GRID2: variants seen among roughly 807,000 people sequenced by gnomAD.
The protein encoded by GRID2 is glutamate ionotropic receptor delta type subunit 2.
A neutral mutation model predicts 114.8 loss-of-function variants in GRID2; 33 were observed. The observed-to-expected ratio is 0.29, with a 90% CI of 0.22 to 0.38. GRID2 has a LOEUF of 0.38. GRID2 is among the 10% of genes least tolerant of loss of function. The probability of loss-of-function intolerance (pLI) is 1.00; values close to 1 mark genes in which losing one functional copy is unlikely to be tolerated. For synonymous variants in GRID2, 505 were observed against 449.9 expected, an observed-to-expected ratio of 1.12 and a Z score of -1.55; for missense variants, 1,184 against 1,257.7, an observed-to-expected ratio of 0.94 and a Z score of 0.89.
At chr4:92,648,123 T>C (rs1227200457) in intron 2 of GRID2, among the ~76,000 whole-genome samples, 2 of 149,974 alleles carry the variant, frequency 1.3e-5, no homozygotes, top group East Asian at 3.9e-4. Context: ...TAAAATTCTT[T>C]TTGAGATCTG....
At chr4:92,924,315 G>A (rs1242875498) in intron 2 of GRID2, among the ~76,000 whole-genome samples, 1 of 151,848 alleles carries the variant, frequency 6.6e-6, no homozygotes, top group African/African-American at 2.4e-5. Context: ...CGAGTTAATG[G>A]GTTCAGCACA....
chr4:92,801,563 A>G (rs1438934946), intron 2 of GRID2, among the ~76,000 whole-genome samples: 1 of 151,890 alleles, frequency 6.6e-6, no homozygotes, highest in Non-Finnish European at 1.5e-5. Context: ...ATTTAATAAT[A>G]CATATTATTC....
At chr4:93,424,579 A>ATT (rs1031419936) in intron 10 of GRID2, among the ~76,000 whole-genome samples, 1 of 151,982 alleles carries the variant, frequency 6.6e-6, no homozygotes, top group African/African-American at 2.4e-5. Context: ...TATGTAGTAT[A>ATT]TTTTTGTATG....
chr4:93,127,370 G>C (rs975816560), intron 4 of GRID2, among the ~76,000 whole-genome samples: 2 of 151,970 alleles, frequency 1.3e-5, no homozygotes, highest in African/African-American at 4.8e-5. Context: ...TTTGACTTAC[G>C]ATTTTTAGAA....
intron 1 of GRID2, among the ~76,000 whole-genome samples, chr4:92,576,539 C>A (rs1393152662): frequency 6.6e-6 from 1 of 152,180 alleles, no homozygotes; most frequent in Non-Finnish European, 1.5e-5. Context: ...CTAGGAAGGA[C>A]CTTCTGCCTT....
intron 1 of GRID2, among the ~76,000 whole-genome samples, chr4:92,333,765 T>C (rs1351379936): frequency 6.6e-6 from 1 of 152,160 alleles, no homozygotes; most frequent in South Asian, 2.1e-4. Context: ...TATGGGGTCT[T>C]GGTTTGTTAC....
Position 93,469,445 on chromosome 4 carries a change from T to G in GRID2, c.1858+13471T>G, listed in dbSNP as rs192338364. Among the ~76,000 whole-genome samples, 226 of 151,990 alleles carry G rather than the reference T, an allele frequency of 1.5e-3. 1 individual carries two copies. The highest frequency in any genetic ancestry group is 0.01 in the South Asian group (49 of 4,824). On this transcript the variant is annotated intron_variant, in intron 11 of 15. Coordinates refer to ENST00000282020, the MANE Select transcript of GRID2 (RefSeq NM_001510.4). ...TGAAAAGAAATTAAATTGAATATTT[T>G]TATTATTTTTATTTATTTAAAATGT...
At chr4:93,370,454 C>T (rs1443030607) in intron 8 of GRID2, among the ~76,000 whole-genome samples, 1 of 149,936 alleles carries the variant, frequency 6.7e-6, no homozygotes, top group Admixed American at 6.7e-5. Flanking sequence ...CACACACACG[C>T]ACACACAAAC....
intron 8 of GRID2, among the ~76,000 whole-genome samples, chr4:93,357,409 T>C (rs1463777268): frequency 6.6e-6 from 1 of 151,380 alleles, no homozygotes; most frequent in African/African-American, 2.4e-5. Context: ...CTGTCATATA[T>C]GTTGAAAATA....
chr4:92,939,980 A>G (rs1578538832), intron 2 of GRID2, among the ~76,000 whole-genome samples: 1 of 147,090 alleles, frequency 6.8e-6, no homozygotes, highest in African/African-American at 2.4e-5. Context: ...CTTGTAGTAT[A>G]GTTTGAAGTC....
At chr4:92,529,341 A>G (rs928296936) in intron 1 of GRID2, among the ~76,000 whole-genome samples, 2 of 152,102 alleles carry the variant, frequency 1.3e-5, no homozygotes, top group African/African-American at 2.4e-5. Flanking sequence ...GGTATTATAC[A>G]ATCACAGAGT....
chr4:92,559,921 T>A (rs1727032462), intron 1 of GRID2, among the ~76,000 whole-genome samples: 1 of 152,194 alleles, frequency 6.6e-6, no homozygotes, highest in African/African-American at 2.4e-5. Flanking sequence ...AAAATTAGAC[T>A]TCTTATAATT....
chr4:93,632,519 C>A (rs529374180), intron 14 of GRID2, among the ~76,000 whole-genome samples: 13 of 152,118 alleles, frequency 8.5e-5, no homozygotes, highest in Non-Finnish European at 1.3e-4. Flanking sequence ...CAAAGATCAG[C>A]TGGTTGTAGA....
intron 2 of GRID2, among the ~76,000 whole-genome samples, chr4:92,936,470 T>C (rs1311559540): frequency 6.8e-6 from 1 of 146,542 alleles, no homozygotes; most frequent in Non-Finnish European, 1.5e-5. Flanking sequence ...AATAAAAATA[T>C]TCCTGAAAAA....
At chr4:92,990,272 C>T (rs1399759362) in intron 2 of GRID2, among the ~76,000 whole-genome samples, 140 of 86,134 alleles carry the variant, frequency 1.6e-3, no homozygotes, top group South Asian at 5.2e-3. Flanking sequence ...TATATATGTA[C>T]GTAGATATGT....
intron 8 of GRID2, among the ~76,000 whole-genome samples, chr4:93,314,105 G>T (rs911606935): frequency 2.6e-5 from 4 of 151,938 alleles, no homozygotes; most frequent in African/African-American, 9.7e-5. Flanking sequence ...AGAAGTTCAA[G>T]ACAAGCCTGG....
rs143249826 is a variant in GRID2 at position 93,216,308 on chromosome 4, G to A, written c.790-430G>A. Reference sequence around the variant, plus strand: ...TGTATGTGTGCGTATGTATGCATGCGTATGTGCGTGTGTATAACTCTTACA... The same window carrying A: ...TGTATGTGTGCGTATGTATGCATGCATATGTGCGTGTGTATAACTCTTACA... On this transcript the variant is annotated intron_variant, in intron 5 of 15. Coordinates refer to ENST00000282020, the MANE Select transcript of GRID2 (RefSeq NM_001510.4). Among the ~76,000 whole-genome samples the A allele has an allele frequency of 1.3e-3, 198 of 151,880 alleles. 1 individual carries two copies. Among genetic ancestry groups the A allele is most frequent in the African/African-American group, 4.2e-3 (172 of 41,432 alleles).
intron 13 of GRID2, among the ~76,000 whole-genome samples, chr4:93,593,231 C>A (rs1170879681): frequency 1.4e-5 from 2 of 145,636 alleles, no homozygotes; most frequent in African/African-American, 2.5e-5. Flanking sequence ...CCTTCAGGAG[C>A]TCTTTTAGGG....
intron 1 of GRID2, among the ~76,000 whole-genome samples, chr4:92,583,845 C>A (rs1728295359): frequency 6.7e-6 from 1 of 149,444 alleles, no homozygotes; most frequent in Non-Finnish European, 1.5e-5. Flanking sequence ...AATATATAAA[C>A]ATGAACATGT....
Sources: gnomAD v4.1 joint callset for allele counts (sites outside exome capture counted in the v4.1 genomes callset) on GRCh38, gnomAD v4.1.1 for gene constraint, MANE v1.5 for transcripts, NCBI Gene and HGNC (gene_info 2026-07-23, HGNC 2026-07-21) for gene names.